The following DAB2IP variants were observed in gnomAD, a reference collection of about 807,000 sequenced individuals.
The protein encoded by DAB2IP is disabled homolog 2-interacting protein.
A neutral mutation model predicts 107.2 loss-of-function variants in DAB2IP; 28 were observed. That is an observed-to-expected ratio of 0.26 (90% CI 0.19 to 0.36). The LOEUF is 0.36. Ranked by LOEUF, DAB2IP falls within the 10% of genes least tolerant of loss-of-function variation. The pLI is 1.00. For synonymous variants in DAB2IP, 755 were observed against 706.4 expected (o/e 1.07, Z -1.09); for missense variants, 1,400 against 1,644.7 (o/e 0.85, Z 2.57).
At chr9:121,650,846 G>C (rs1169085360), upstream of DAB2IP, among the ~76,000 whole-genome samples, 1 of 152,170 alleles carries the variant, frequency 6.6e-6, no homozygotes, top group African/African-American at 2.4e-5. Flanking sequence ...TGAGAATTAG[G>C]GGGAGCAGAG....
chr9:121,577,233 GAAAACACA>G (rs1165825142), intron 1 of DAB2IP, among the ~76,000 whole-genome samples: 1 of 152,220 alleles, frequency 6.6e-6, no homozygotes, highest in Non-Finnish European at 1.5e-5. Flanking sequence ...CTGGGGAAAA[GAAAACACA>G]AGCCTGAGGA....
intron 1 of DAB2IP, among the ~76,000 whole-genome samples, chr9:121,646,530 C>T (rs868766615): frequency 3.4e-4 from 51 of 148,284 alleles, no homozygotes; most frequent in Middle Eastern, 3.4e-3. Flanking sequence ...ACCCCCACCC[C>T]TGCCCAGAGC....
intron 10 of DAB2IP, 151 bp downstream of exon 10, chr9:121,768,784 C>T: frequency 1.0e-6 from 1 of 980,022 alleles, no homozygotes; most frequent in Non-Finnish European, 1.5e-6. Flanking sequence ...ATCTGTGGGC[C>T]CCATTTTCTC....
rs574866702 is a variant in DAB2IP, at chr9:121,763,929, C to T, written c.1460+50C>T. 8.8e-6 allele frequency: 14 copies of T among 1,598,966 alleles called. 1 individual carries two copies. Among genetic ancestry groups the T allele is most frequent in the South Asian group, 5.6e-5 (5 of 88,522 alleles). Reference sequence around the variant, plus strand: ...CACCCTGTCGCCTTCCCCATCCTGTCCTTCAGTGTCTGGCACCCGCAGTGT... The same window carrying T: ...CACCCTGTCGCCTTCCCCATCCTGTTCTTCAGTGTCTGGCACCCGCAGTGT... On this transcript the variant is annotated intron_variant, in intron 8 of 15. Coordinates refer to ENST00000408936, the Ensembl canonical transcript of DAB2IP.
intron 3 of DAB2IP, among the ~76,000 whole-genome samples, chr9:121,755,241 TGGTGTGGC>T (rs761074185): frequency 6.7e-4 from 102 of 151,708 alleles, no homozygotes; most frequent in South Asian, 3.1e-3. Flanking sequence ...TGTGATGTGG[TGGTGTGGC>T]GGTGTGGCGT....
At chr9:121,735,765 G>A (rs1371911127) in intron 3 of DAB2IP, among the ~76,000 whole-genome samples, 1 of 152,176 alleles carries the variant, frequency 6.6e-6, no homozygotes, top group Non-Finnish European at 1.5e-5. Context: ...GGCTTCTCTG[G>A]TGGGATGGGA....
intron 1 of DAB2IP, among the ~76,000 whole-genome samples, chr9:121,656,654 T>C (rs2119076316): frequency 6.6e-6 from 1 of 152,316 alleles, no homozygotes; most frequent in South Asian, 2.1e-4. Context: ...TGAAAATGGC[T>C]CCTTTTTGTT....
chr9:121,768,439 A>C (rs1164866380), exon 10 of DAB2IP: 1 of 1,614,210 alleles, frequency 6.2e-7, no homozygotes, highest in Admixed American at 1.7e-5. Flanking sequence ...CAGATTTGGC[A>C]GCAAGGAGGA....
chr9:121,697,467 C>G (rs1188704283), intron 2 of DAB2IP, among the ~76,000 whole-genome samples: 6 of 152,182 alleles, frequency 3.9e-5, no homozygotes, highest in African/African-American at 1.4e-4. Context: ...TGGGAGAGCT[C>G]AGAGCTCACG....
At chr9:121,779,212 CT>C (rs899474495) in intron 14 of DAB2IP, among the ~76,000 whole-genome samples, 1 of 152,150 alleles carries the variant, frequency 6.6e-6, no homozygotes, top group Non-Finnish European at 1.5e-5. Context: ...TATTTTTCAC[CT>C]CTTAGAATTT....
At chr9:121,768,272 C>T (rs1211900101) in intron 9 of DAB2IP, among the ~76,000 whole-genome samples, 160 bp from the exon 10 acceptor site, 1 of 152,046 alleles carries the variant, frequency 6.6e-6, no homozygotes, top group Non-Finnish European at 1.5e-5. Flanking sequence ...CAAGGAGGGC[C>T]CTGGTGACCT....
intron 1 of DAB2IP, among the ~76,000 whole-genome samples, chr9:121,584,403 G>T (rs1182090108): frequency 1.3e-5 from 2 of 150,854 alleles, no homozygotes; most frequent in African/African-American, 2.5e-5. Context: ...GCAAGACCCT[G>T]TCTCTACAAA....
chr9:121,715,786 A>T (rs541286942), intron 3 of DAB2IP, among the ~76,000 whole-genome samples: 1 of 152,292 alleles, frequency 6.6e-6, no homozygotes, highest in South Asian at 2.1e-4. Context: ...TCCCAGCTGG[A>T]CTGTCATCAG....
Position 121,776,516 on chromosome 9 carries a change from A to AT in DAB2IP, c.3314+125_3314+126insT. ...GCTGAATGTGGAGAGAGGAGGGAAGAGAGTGTCTGGGCAGTGGGAGCAGCG... is the reference window on the plus strand; with the variant it reads ...GCTGAATGTGGAGAGAGGAGGGAAGATGAGTGTCTGGGCAGTGGGAGCAGCG... On this transcript the variant is annotated intron_variant, in intron 14 of 15. Coordinates refer to ENST00000408936, the Ensembl canonical transcript of DAB2IP. The surrounding 1 kb of genome is among the most constrained non-coding windows in gnomAD (Gnocchi z 5.4). 2 of 1,158,272 alleles carry AT rather than the reference A, an allele frequency of 1.7e-6. No individual in the cohort carries two copies. Among genetic ancestry groups the AT allele is most frequent in the Non-Finnish European group, 2.4e-6 (2 of 843,058 alleles). The allele number at this position is 1,158,272 out of a possible 1,614,324, so 71.7% of individuals were successfully genotyped here.
intron 3 of DAB2IP, among the ~76,000 whole-genome samples, chr9:121,713,274 C>T (rs1432112696): frequency 6.6e-6 from 1 of 152,146 alleles, no homozygotes; most frequent in Non-Finnish European, 1.5e-5. Context: ...CATTTGCTCC[C>T]TGGATAGATG....
chr9:121,738,920 G>A (rs1468522525), intron 3 of DAB2IP, among the ~76,000 whole-genome samples: 1 of 152,238 alleles, frequency 6.6e-6, no homozygotes, highest in Non-Finnish European at 1.5e-5. Flanking sequence ...AGGCAGATAA[G>A]AAATAAGCAG....
At chr9:121,766,581 C>T in exon 9 of DAB2IP, 1 of 1,613,890 alleles carries the variant, frequency 6.2e-7, no homozygotes, top group Non-Finnish European at 8.5e-7. Context: ...GTGAGCGGCT[C>T]ATCAGCGCCT....
rs2119149797 is a variant in DAB2IP, at chr9:121,684,119, T to C, written c.228+5338T>C. ...TAGCCTCCCTGCACCCTCCCCATGT[T>C]TCAGCTGTCTTTCTGTCACACAAAC... On this transcript the variant is annotated intron_variant, in intron 2 of 15. Transcript: ENST00000408936. This position sits in a 1 kb window ranked among gnomAD's most constrained non-coding sequence, Gnocchi z 4.0. 6.6e-6 allele frequency among the ~76,000 whole-genome samples: 1 copy of C among 152,234 alleles called. No homozygotes were observed. The highest frequency in any genetic ancestry group is 3.4e-3 in the Middle Eastern group (1 of 294).
At chr9:121,652,794 C>G (rs570064462) in intron 1 of DAB2IP, among the ~76,000 whole-genome samples, 2 of 151,966 alleles carry the variant, frequency 1.3e-5, no homozygotes, top group Non-Finnish European at 2.9e-5. Context: ...GGGCCACATT[C>G]CCACCCTGCA....
Sources: gnomAD v4.1 joint callset for allele counts (sites outside exome capture counted in the v4.1 genomes callset) on GRCh38, gnomAD v4.1.1 for gene constraint, Gnocchi (gnomAD v3.1) non-coding constraint, MANE v1.5 for transcripts, NCBI Gene and HGNC (gene_info 2026-07-23, HGNC 2026-07-21) for gene names.